The following PTPRJ variants were observed in gnomAD, a reference collection of about 807,000 sequenced individuals.
The protein encoded by PTPRJ is protein tyrosine phosphatase receptor type J.
PTPRJ carries 129 observed loss-of-function variants against 141.3 expected under a neutral mutation model. The observed-to-expected ratio is 0.91, with a 90% CI of 0.79 to 1.06. The LOEUF is 1.06. PTPRJ is among the 50% of genes least tolerant of loss of function. The probability of loss-of-function intolerance (pLI) is 0.00; values close to 1 mark genes in which losing one functional copy is unlikely to be tolerated. For synonymous variants in PTPRJ, 610 were observed against 640.5 expected (o/e 0.95, Z 0.72); for missense variants, 1,601 against 1,679.7 (o/e 0.95, Z 0.82).
At chr11:48,037,734 A>G (rs1854163424) in intron 1 of PTPRJ, among the ~76,000 whole-genome samples, 1 of 151,866 alleles carries the variant, frequency 6.6e-6, no homozygotes, top group Non-Finnish European at 1.5e-5. Flanking sequence ...AATCGCTTGA[A>G]CCCAGGAGGC....
At chr11:48,120,915 C>G (rs1856687307) in intron 3 of PTPRJ, 88 bp from the exon 4 acceptor site, 1 of 1,250,372 alleles carries the variant, frequency 8.0e-7, no homozygotes, top group Non-Finnish European at 1.1e-6. Flanking sequence ...TGGAAAGTCA[C>G]TTCTGGAAAC....
At chr11:48,059,581 G>A (rs1438523676) in intron 1 of PTPRJ, among the ~76,000 whole-genome samples, 1 of 152,194 alleles carries the variant, frequency 6.6e-6, no homozygotes, top group African/African-American at 2.4e-5. Context: ...ATATGGTCCT[G>A]TAACAAATAC....
intron 1 of PTPRJ, among the ~76,000 whole-genome samples, chr11:48,032,605 C>T (rs1854011680): frequency 6.6e-6 from 1 of 152,100 alleles, no homozygotes; most frequent in African/African-American, 2.4e-5. Flanking sequence ...ACTAAAAATA[C>T]AGAATTAGTC....
At chr11:48,001,349 A>AGTGTGT (rs57503257) in intron 1 of PTPRJ, among the ~76,000 whole-genome samples, 1,880 of 134,726 alleles carry the variant, frequency 0.014, 10 homozygotes, top group African/African-American at 0.021. Flanking sequence ...ACAGCCCCAA[A>AGTGTGT]GTGTGTGTGT....
intron 1 of PTPRJ, among the ~76,000 whole-genome samples, chr11:48,091,685 T>C (rs186720483): frequency 2.0e-5 from 3 of 152,322 alleles, no homozygotes; most frequent in African/African-American, 7.2e-5. Flanking sequence ...ATTCGAAAAG[T>C]CACCTGTTTC....
At chr11:48,116,974 C>T (rs1169196782) in intron 3 of PTPRJ, among the ~76,000 whole-genome samples, 1 of 152,170 alleles carries the variant, frequency 6.6e-6, no homozygotes, top group Non-Finnish European at 1.5e-5. Context: ...TTAGAAAATG[C>T]TTGTACAGCC....
At chr11:48,103,147 G>A (rs1395436724) in intron 1 of PTPRJ, among the ~76,000 whole-genome samples, 1 of 152,162 alleles carries the variant, frequency 6.6e-6, no homozygotes, top group African/African-American at 2.4e-5. Flanking sequence ...TCAAATTTGA[G>A]TATATTTGAA....
intron 1 of PTPRJ, among the ~76,000 whole-genome samples, chr11:48,065,770 T>A (rs1292688643): frequency 1.3e-5 from 2 of 152,206 alleles, no homozygotes; most frequent in Non-Finnish European, 2.9e-5. Context: ...TTGTCACCCC[T>A]GTTACAGGGT....
intron 1 of PTPRJ, among the ~76,000 whole-genome samples, chr11:48,083,704 C>G (rs1175593504): frequency 6.6e-6 from 1 of 152,196 alleles, no homozygotes; most frequent in African/African-American, 2.4e-5. Flanking sequence ...CATGAATTCC[C>G]AGCACCCAGG....
At chr11:48,050,301 G>T (rs558458574) in intron 1 of PTPRJ, among the ~76,000 whole-genome samples, 3 of 152,176 alleles carry the variant, frequency 2.0e-5, no homozygotes, top group Admixed American at 2.0e-4. Context: ...TGAGCAGAAG[G>T]TGCAGAGATA....
chr11:48,027,905 G>A lies in PTPRJ; in HGVS notation c.96+46897G>A, dbSNP rs114269498. Among the ~76,000 whole-genome samples, 1,131 of 151,572 alleles carry A rather than the reference G, an allele frequency of 7.5e-3. 15 individuals carry two copies. The highest frequency in any genetic ancestry group is 0.025 in the African/African-American group (1,052 of 41,288). On this transcript the variant is annotated intron_variant, in intron 1 of 24. Transcript: ENST00000418331. Reference sequence around the variant, plus strand: ...TTCTTTTTCCCCACAAAACTGCTTCGGAGAGCTCTTAGGTCCCAAGTTTGC... The same window carrying A: ...TTCTTTTTCCCCACAAAACTGCTTCAGAGAGCTCTTAGGTCCCAAGTTTGC...
chr11:48,060,577 T>G (rs1258419583), intron 1 of PTPRJ, among the ~76,000 whole-genome samples: 1 of 152,224 alleles, frequency 6.6e-6, no homozygotes, highest in Non-Finnish European at 1.5e-5. Context: ...CAGATTCTTT[T>G]AGGGGCTCCT....
intron 14 of PTPRJ, among the ~76,000 whole-genome samples, chr11:48,145,380 C>A (rs1348470553): frequency 6.6e-6 from 1 of 152,158 alleles, no homozygotes; most frequent in Non-Finnish European, 1.5e-5. Context: ...ATTATTGACT[C>A]CCCTTATCTA....
At chr11:47,986,417 G>A (rs1248692700) in intron 1 of PTPRJ, among the ~76,000 whole-genome samples, 1 of 152,194 alleles carries the variant, frequency 6.6e-6, no homozygotes, top group African/African-American at 2.4e-5. Context: ...GATAGAAAAG[G>A]AATTGCTACG....
intron 23 of PTPRJ, among the ~76,000 whole-genome samples, chr11:48,164,050 G>A (rs1387138892): frequency 6.6e-6 from 1 of 152,200 alleles, no homozygotes; most frequent in Non-Finnish European, 1.5e-5. Context: ...GACAGGAGGG[G>A]CTCTGTTGCC....
At chr11:48,042,396 G>T (rs79081801) in intron 1 of PTPRJ, among the ~76,000 whole-genome samples, 2,159 of 152,210 alleles carry the variant, frequency 0.014, 112 homozygotes, top group Admixed American at 0.085. Flanking sequence ...TGAACCAATG[G>T]GCTTTTTCAT....
intron 1 of PTPRJ, among the ~76,000 whole-genome samples, chr11:47,994,321 C>G (rs1173084564): frequency 1.3e-5 from 2 of 152,040 alleles, no homozygotes; most frequent in African/African-American, 2.4e-5. Context: ...ATAGGATAAC[C>G]TCCTACATGT....
intron 8 of PTPRJ, among the ~76,000 whole-genome samples, 156 bp downstream of exon 8, chr11:48,130,872 A>G (rs1224571753): frequency 6.6e-6 from 1 of 151,830 alleles, no homozygotes; most frequent in African/African-American, 2.4e-5. Flanking sequence ...ATTATATGAA[A>G]TACAGACAAG....
chr11:48,087,732 T>G (rs1855753776), intron 1 of PTPRJ, among the ~76,000 whole-genome samples: 1 of 152,214 alleles, frequency 6.6e-6, no homozygotes, highest in Admixed American at 6.5e-5. Flanking sequence ...CCTCTGTTAC[T>G]TATGAGCTGA....
Sources: gnomAD v4.1 joint callset for allele counts (sites outside exome capture counted in the v4.1 genomes callset) on GRCh38, gnomAD v4.1.1 for gene constraint, MANE v1.5 for transcripts, NCBI Gene and HGNC (gene_info 2026-07-23, HGNC 2026-07-21) for gene names.